The following TJP1 variants were observed in gnomAD, a reference collection of about 807,000 sequenced individuals.
TJP1 encodes tight junction protein 1.
In TJP1, 43 loss-of-function variants were observed where a neutral mutation model predicts 194.2. That is an observed-to-expected ratio of 0.22 (90% CI 0.17 to 0.29). The LOEUF is 0.29. TJP1 is among the 10% of genes least tolerant of loss of function. The pLI, the probability that TJP1 is intolerant of heterozygous loss-of-function variation, is 1.00. For synonymous variants in TJP1, 801 were observed against 779.0 expected, an observed-to-expected ratio of 1.03 and a Z score of -0.47; for missense variants, 1,971 against 2,185.7, an observed-to-expected ratio of 0.90 and a Z score of 1.96.
At chr15:29,959,564 G>A (rs1414147730) in intron 1 of TJP1, among the ~76,000 whole-genome samples, 1 of 152,078 alleles carries the variant, frequency 6.6e-6, no homozygotes, top group Non-Finnish European at 1.5e-5. Context: ...TACGCTGCCA[G>A]GTCTGTGAGG....
At chr15:29,736,641 G>A (rs2044051905) in intron 11 of TJP1, among the ~76,000 whole-genome samples, 1 of 152,228 alleles carries the variant, frequency 6.6e-6, no homozygotes, top group South Asian at 2.1e-4. Context: ...CGTTTATGGG[G>A]AAGGAAGGGA....
At chr15:29,927,049 C>A (rs1162613409) in intron 2 of TJP1, among the ~76,000 whole-genome samples, 1 of 151,992 alleles carries the variant, frequency 6.6e-6, no homozygotes, top group Non-Finnish European at 1.5e-5. Flanking sequence ...TCCCAGGGAA[C>A]AAAAGGTAAA....
intron 15 of TJP1, among the ~76,000 whole-genome samples, chr15:29,731,475 G>T (rs1250983688): frequency 6.6e-6 from 1 of 152,180 alleles, no homozygotes; most frequent in Non-Finnish European, 1.5e-5. Flanking sequence ...TGTCAAAAGA[G>T]CAGTGGTTCC....
chr15:29,869,777 GTCTT>G (rs758529684), intron 2 of TJP1, among the ~76,000 whole-genome samples: 1,269 of 118,730 alleles, frequency 0.011, 8 homozygotes, highest in South Asian at 0.017. Flanking sequence ...CCTTTCCCCT[GTCTT>G]TCTTTCTTTC....
At chr15:29,734,475 G>T in intron 11 of TJP1, 93 bp from the exon 12 acceptor site, 3 of 883,462 alleles carry the variant, frequency 3.4e-6, no homozygotes, top group Non-Finnish European at 5.0e-6. Context: ...TACCTAATTT[G>T]AAAATATCAC....
In TJP1 at chr15:29,822,178, G is replaced by C. The variant is rs1299894824; in HGVS notation, c.-150C>G. On this transcript the variant is annotated 5_prime_UTR_variant, in exon 1 of 28. Coordinates refer to ENST00000614355, the MANE Select transcript of TJP1 (RefSeq NM_001330239.4). ...CGGCCGGAAGGGCCCGGCCCAGGGG[G>C]AGGGAATTCAACTCGGACAAAAGTC... 27 of 1,179,140 alleles carry C rather than the reference G, an allele frequency of 2.3e-5. 1 individual carries two copies. The East Asian group carries it at 8.9e-4, about 39-fold the overall frequency. 73.0% of individuals were successfully genotyped at this position (1,179,140 alleles called of 1,614,324 possible).
At chr15:29,795,818 T>C (rs1733813685) in intron 2 of TJP1, among the ~76,000 whole-genome samples, 1 of 152,048 alleles carries the variant, frequency 6.6e-6, no homozygotes, top group Admixed American at 6.5e-5. Context: ...AACAATCAAG[T>C]AGAATTTATC....
chr15:29,762,215 CCAAA>C (rs891926084), intron 6 of TJP1, 116 bp downstream of exon 6: 24 of 735,722 alleles, frequency 3.3e-5, no homozygotes, highest in Non-Finnish European at 5.2e-5. Context: ...TCCCTCTCCC[CCAAA>C]CACTGATTTT....
At chr15:29,770,085 G>A (rs2046562418) in intron 4 of TJP1, among the ~76,000 whole-genome samples, 1 of 152,050 alleles carries the variant, frequency 6.6e-6, no homozygotes, top group Non-Finnish European at 1.5e-5. Flanking sequence ...CCCTGATCCT[G>A]GGTAGCCCTA....
intron 2 of TJP1, among the ~76,000 whole-genome samples, chr15:29,844,137 C>A (rs785453): frequency 7.2e-5 from 11 of 152,080 alleles, no homozygotes; most frequent in Admixed American, 2.6e-4. Flanking sequence ...GGCTGCAGTG[C>A]GCGGCTCACT....
intron 2 of TJP1, among the ~76,000 whole-genome samples, chr15:29,873,156 G>A (rs1428587361): frequency 1.3e-5 from 2 of 152,224 alleles, no homozygotes; most frequent in Non-Finnish European, 2.9e-5. Flanking sequence ...TGCTGTGGGT[G>A]AAGGGCAAAT....
chr15:29,732,598 G>C, intron 14 of TJP1, 33 bp downstream of exon 14: 2 of 1,612,904 alleles, frequency 1.2e-6, no homozygotes, highest in Non-Finnish European at 1.7e-6. Context: ...TGACGTTAAA[G>C]GGTATTAGGT....
At chr15:29,783,798 C>T (rs1215023134) in intron 2 of TJP1, among the ~76,000 whole-genome samples, 3 of 152,036 alleles carry the variant, frequency 2.0e-5, no homozygotes, top group South Asian at 2.1e-4. Flanking sequence ...TGGGGACTAC[C>T]GGAGGGTGGA....
chr15:29,866,381 T>C (rs1596139130), intron 2 of TJP1, among the ~76,000 whole-genome samples: 1 of 152,132 alleles, frequency 6.6e-6, no homozygotes, highest in Non-Finnish European at 1.5e-5. Context: ...CAATAAACAG[T>C]GTGTTTTGTT....
At chr15:29,905,563 G>A (rs2053779846) in intron 2 of TJP1, among the ~76,000 whole-genome samples, 1 of 152,188 alleles carries the variant, frequency 6.6e-6, no homozygotes, top group African/African-American at 2.4e-5. Context: ...GCATATGAAT[G>A]TTTATAGCAG....
intron 4 of TJP1, among the ~76,000 whole-genome samples, chr15:29,770,551 T>C (rs1417037806): frequency 1.3e-5 from 2 of 151,706 alleles, no homozygotes; most frequent in African/African-American, 2.4e-5. Context: ...CTGTCTCCAC[T>C]AAAAATACAA....
chr15:29,799,473 G>A (rs546532340), intron 2 of TJP1, among the ~76,000 whole-genome samples: 1 of 151,214 alleles, frequency 6.6e-6, no homozygotes, highest in Non-Finnish European at 1.5e-5. Context: ...GGAGTGCAGT[G>A]GCATGATCTC....
intron 26 of TJP1, among the ~76,000 whole-genome samples, chr15:29,704,842 G>A (rs2041790645): frequency 1.3e-5 from 2 of 152,216 alleles, no homozygotes; most frequent in African/African-American, 4.8e-5. Flanking sequence ...AGTCCTACTG[G>A]TTTTTAAAAC....
intron 2 of TJP1, among the ~76,000 whole-genome samples, chr15:29,837,744 G>T (rs2051083231): frequency 6.6e-6 from 1 of 152,128 alleles, no homozygotes; most frequent in South Asian, 2.1e-4. Flanking sequence ...GTTTCTTTCT[G>T]CCCCATGACA....
Sources: gnomAD v4.1 joint callset for allele counts (sites outside exome capture counted in the v4.1 genomes callset) on GRCh38, gnomAD v4.1.1 for gene constraint, MANE v1.5 for transcripts, NCBI Gene and HGNC (gene_info 2026-07-23, HGNC 2026-07-21) for gene names.